FBXL17: variants seen among roughly 807,000 people sequenced by gnomAD.
The protein encoded by FBXL17 is F-box and leucine rich repeat protein 17, also known as F-box/LRR-repeat protein 17.
Under a neutral mutation model 66.2 loss-of-function variants are expected in FBXL17, and 22 were observed. The observed-to-expected ratio is 0.33, with a 90% CI of 0.24 to 0.47. The LOEUF is 0.47. Ranked by LOEUF, FBXL17 falls within the 20% of genes least tolerant of loss-of-function variation. The pLI is 1.00. For synonymous variants in FBXL17, 474 were observed against 400.5 expected (o/e 1.18, Z -2.19); for missense variants, 878 against 948.2 (o/e 0.93, Z 0.97).
At chr5:108,349,479 T>C (rs1199612633) in intron 3 of FBXL17, among the ~76,000 whole-genome samples, 1 of 152,152 alleles carries the variant, frequency 6.6e-6, no homozygotes. Flanking sequence ...CAGAAATATA[T>C]GTGAGTTCAG....
chr5:107,948,248 T>A (rs980014987), intron 7 of FBXL17, among the ~76,000 whole-genome samples: 20 of 152,212 alleles, frequency 1.3e-4, no homozygotes, highest in African/African-American at 4.8e-4. Flanking sequence ...AGTCACTCAC[T>A]TTTTTCTGAG....
intron 4 of FBXL17, among the ~76,000 whole-genome samples, chr5:108,316,040 A>G (rs1759347587): frequency 1.3e-5 from 2 of 151,454 alleles, no homozygotes; most frequent in African/African-American, 2.4e-5. Context: ...CTATTAAACA[A>G]AGGTCTTCAG....
intron 7 of FBXL17, among the ~76,000 whole-genome samples, chr5:107,933,782 T>C (rs1458619984): frequency 6.6e-6 from 1 of 152,196 alleles, no homozygotes. Flanking sequence ...CTAGGATATA[T>C]CTCCCTAACT....
Position 108,381,735 on chromosome 5 carries a change from A to T in FBXL17, c.-44T>A. 1.4e-6 allele frequency: 2 copies of T among 1,383,016 alleles called. No homozygotes were observed. Among genetic ancestry groups the T allele is most frequent in the Non-Finnish European group, 9.3e-7 (1 of 1,074,324 alleles). The allele number at this position is 1,383,016 out of a possible 1,614,324, so 85.7% of individuals were successfully genotyped here. A position where few individuals can be genotyped will look rare whatever the true frequency, so the allele number is the denominator to read the frequency against. ...GGGGACCGGGACGGGAGGGAGGGAG[A>T]CCCAGAGAGGCGGGCTCCCGGCAGC... On this transcript the variant is annotated 5_prime_UTR_variant, in exon 1 of 9. Transcript: ENST00000542267.
rs575529032 is a variant in FBXL17 at position 107,906,858 on chromosome 5, A to C, written c.1823-25679T>G. Among the ~76,000 whole-genome samples, 3 of 152,314 alleles carry C rather than the reference A, an allele frequency of 2.0e-5. No individual in the cohort carries two copies. In the East Asian group the frequency reaches 5.8e-4, roughly 29 times the overall value. On this transcript the variant is annotated intron_variant, in intron 7 of 8. Coordinates refer to ENST00000542267, the MANE Select transcript of FBXL17 (RefSeq NM_001163315.3). The stretch of plus-strand genomic sequence containing the variant: ...AAACTACACATTCATTAACATTATG[A>C]AATATTTAGGTAGCTTATAATACTA...
intron 7 of FBXL17, among the ~76,000 whole-genome samples, chr5:108,019,098 C>T (rs547318042): frequency 5.4e-4 from 82 of 152,270 alleles, no homozygotes; most frequent in African/African-American, 1.9e-3. Flanking sequence ...TTTTATCCCA[C>T]TCCTGTAGAA....
intron 4 of FBXL17, among the ~76,000 whole-genome samples, chr5:108,307,177 A>G (rs2150190206): frequency 6.6e-6 from 1 of 152,230 alleles, no homozygotes; most frequent in Admixed American, 6.6e-5. Flanking sequence ...ATATTGATAT[A>G]TATTCTCCTT....
At chr5:108,177,161 A>G (rs952896258) in intron 6 of FBXL17, among the ~76,000 whole-genome samples, 3 of 152,216 alleles carry the variant, frequency 2.0e-5, no homozygotes, top group African/African-American at 7.2e-5. Context: ...TTATAAGTTA[A>G]ATAAATACCT....
chr5:108,198,552 T>C (rs867654762), intron 5 of FBXL17, among the ~76,000 whole-genome samples: 1 of 152,298 alleles, frequency 6.6e-6, no homozygotes, highest in African/African-American at 2.4e-5. Context: ...AATGAACACT[T>C]TCCAGGTGAG....
Position 107,914,145 on chromosome 5 carries a change from C to G in FBXL17, c.1823-32966G>C, listed in dbSNP as rs1218052917. On this transcript the variant is annotated intron_variant, in intron 7 of 8. Coordinates refer to ENST00000542267, the MANE Select transcript of FBXL17 (RefSeq NM_001163315.3). ...CTATCAAATTTAACTTTTCTCTAAA[C>G]CCTACAAGTAGTTCATTGAAACGAG... is the stretch of plus-strand genomic sequence containing the variant. Among the ~76,000 whole-genome samples the G allele has an allele frequency of 2.6e-5, 4 of 152,172 alleles. No homozygotes were observed. The East Asian group carries it at 7.7e-4, about 29-fold the overall frequency.
intron 7 of FBXL17, among the ~76,000 whole-genome samples, chr5:107,971,554 T>C (rs1464106536): frequency 6.6e-6 from 1 of 152,184 alleles, no homozygotes; most frequent in East Asian, 1.9e-4. Context: ...TGTTCGCCCC[T>C]GATTCTCTTT....
chr5:107,957,285 G>A lies in FBXL17; in HGVS notation c.1822+63640C>T, dbSNP rs542368406. ...GGTGTAAACGACATCTGGTTCCACC[G>A]ACTGTTCACTATACTCAGCCAATTA... is the stretch of plus-strand genomic sequence containing the variant. On this transcript the variant is annotated intron_variant, in intron 7 of 8. Transcript: ENST00000542267. Among the ~76,000 whole-genome samples, 11 of 152,184 alleles carry A rather than the reference G, an allele frequency of 7.2e-5. No individual in the cohort carries two copies. In the South Asian group the frequency reaches 8.3e-4, roughly 12 times the overall value.
At chr5:108,011,686 T>C (rs932253186) in intron 7 of FBXL17, among the ~76,000 whole-genome samples, 3 of 152,148 alleles carry the variant, frequency 2.0e-5, no homozygotes, top group Admixed American at 1.3e-4. Context: ...TAGCCGGTCA[T>C]GGTGGTACGT....
chr5:107,860,988 G>A lies in FBXL17; in HGVS notation c.*732C>T, dbSNP rs980140910. On this transcript the variant is annotated 3_prime_UTR_variant, in exon 9 of 9. Transcript: ENST00000542267. Reference sequence around the variant, plus strand: ...CATAAAACCAACTAAAATATTTAGTGCTCAACAGAATGCATTTGTAGAATA... The same window carrying A: ...CATAAAACCAACTAAAATATTTAGTACTCAACAGAATGCATTTGTAGAATA... 6.6e-6 allele frequency: 1 copy of A among 152,180 alleles called. No homozygotes were observed. The highest frequency in any genetic ancestry group is 1.5e-5 in the Non-Finnish European group (1 of 68,032). The allele number at this position is 152,180 out of a possible 1,614,324, so 9.4% of individuals were successfully genotyped here.
At chr5:108,095,296 C>T (rs1037885189) in intron 6 of FBXL17, among the ~76,000 whole-genome samples, 1 of 151,576 alleles carries the variant, frequency 6.6e-6, no homozygotes. Flanking sequence ...GAACTGAGAA[C>T]AGATATCGGT....
chr5:108,255,861 T>C (rs189744685), intron 4 of FBXL17, among the ~76,000 whole-genome samples: 22 of 152,290 alleles, frequency 1.4e-4, no homozygotes, highest in Non-Finnish European at 2.5e-4. Context: ...TTCCTGCCAA[T>C]TGAATTTCTC....
intron 6 of FBXL17, among the ~76,000 whole-genome samples, chr5:108,170,164 A>C (rs1219627101): frequency 6.6e-6 from 1 of 152,188 alleles, no homozygotes; most frequent in Non-Finnish European, 1.5e-5. Context: ...TATCAACACC[A>C]AAAATAGGAA....
intron 7 of FBXL17, among the ~76,000 whole-genome samples, chr5:107,922,229 T>C (rs888712869): frequency 6.6e-6 from 1 of 152,304 alleles, no homozygotes; most frequent in South Asian, 2.1e-4. Context: ...ATGGGACTAT[T>C]TCTTCATGTA....
At chr5:108,334,031 G>A (rs1345200512) in intron 4 of FBXL17, among the ~76,000 whole-genome samples, 3 of 152,116 alleles carry the variant, frequency 2.0e-5, no homozygotes, top group South Asian at 2.1e-4. Flanking sequence ...GACTTGTAAA[G>A]CCTGACCTAC....
Sources: allele counts gnomAD v4.1 joint callset (sites outside exome capture counted in the v4.1 genomes callset), GRCh38; gene constraint gnomAD v4.1.1; transcripts MANE v1.5; gene names NCBI Gene and HGNC (gene_info 2026-07-23, HGNC 2026-07-21).